Variants in SMPD4 observed in about 807,000 individuals in gnomAD.
SMPD4 encodes sphingomyelin phosphodiesterase 4.
SMPD4 carries 58 observed loss-of-function variants against 97.8 expected under a neutral mutation model. The ratio of observed to expected loss-of-function variants is 0.59; its 90% CI spans 0.48 to 0.74. The LOEUF (loss-of-function observed/expected upper bound fraction) is 0.74, where lower values mean the gene tolerates loss of function less well. SMPD4 is among the 30% of genes least tolerant of loss of function. The probability of loss-of-function intolerance (pLI) is 0.00; values close to 1 mark genes in which losing one functional copy is unlikely to be tolerated. For missense variants in SMPD4, 853 were observed against 1,080.5 expected (o/e 0.79, Z 2.95); for synonymous variants, 388 against 450.0 (o/e 0.86, Z 1.74).
chr2:130,181,161 A>AG (rs1405477611), intron 1 of SMPD4: 3 of 698,728 alleles, frequency 4.3e-6, no homozygotes, highest in Non-Finnish European at 5.6e-6. Flanking sequence ...TGGAGCACAC[A>AG]GGGGAAGGGT....
intron 9 of SMPD4, among the ~76,000 whole-genome samples, chr2:130,165,110 A>T (rs1025017716): frequency 3.9e-5 from 4 of 103,280 alleles, no homozygotes; most frequent in South Asian, 2.5e-4. Flanking sequence ...CTCTGATTTA[A>T]AAAAAAAAAA....
At position 130,167,559 on chromosome 2, in the gene SMPD4, G is replaced by A. The variant is rs372533547; in HGVS notation, c.691C>T (p.Leu231Phe). 9 of 1,613,116 alleles carry A rather than the reference G, an allele frequency of 5.6e-6. No individual in the cohort carries two copies. Among genetic ancestry groups the A allele is most frequent in the South Asian group, 2.2e-5 (2 of 91,022 alleles). ...TPAIPFASYGLHHTSLLKRHI... is the reference protein window; with the variant it reads ...TPAIPFASYGFHHTSLLKRHI... ...CGCTTTAGGAGGCTAGTGTGGTGGA[G>A]GCCATAGGAAGCAAAGGGTATGGCT... Residue 231 changes from leucine to phenylalanine, a missense_variant, in exon 9 of 20, where the codon CTC (leucine) becomes TTC (phenylalanine). Leu to Phe is a conservative substitution (Grantham distance 22, BLOSUM62 0). Transcript: ENST00000680298.
chr2:130,156,866 C>T, intron 12 of SMPD4, 191 bp from the exon 13 acceptor site: 2 of 1,494,112 alleles, frequency 1.3e-6, no homozygotes, highest in Middle Eastern at 2.3e-4. Flanking sequence ...CCCAAGGACA[C>T]ACAGCACGCA....
chr2:130,165,875 T>C (rs1466221936), intron 9 of SMPD4, among the ~76,000 whole-genome samples: 1 of 152,142 alleles, frequency 6.6e-6, no homozygotes, highest in African/African-American at 2.4e-5. Flanking sequence ...CCGGGCTGGT[T>C]CAGTTTCAGT....
rs377728414 is a variant in SMPD4 at position 130,172,510 on chromosome 2, C to G, written c.508-10G>C. 2.5e-6 allele frequency: 4 copies of G among 1,611,122 alleles called. No homozygotes were observed. Among genetic ancestry groups the G allele is most frequent in the South Asian group, 1.1e-5 (1 of 90,850 alleles). ...GGGACACAGGAAGTGGCTGGAAAAC[C>G]AAGCTAGTTGTTAGCATGGGCTCTG... On this transcript the variant is annotated splice_polypyrimidine_tract_variant and intron_variant, in intron 7 of 19. Transcript: ENST00000680298.
intron 5 of SMPD4, 38 bp downstream of exon 5, chr2:130,173,241 T>G (rs1247872339): frequency 6.3e-7 from 1 of 1,592,364 alleles, no homozygotes. Context: ...CAAGGCCCAC[T>G]GCCCCGAGCA....
Position 130,152,870 on chromosome 2 carries a change from C to T in SMPD4, c.2169G>A (p.Met723Ile), listed in dbSNP as rs748626563. 6.9e-6 allele frequency: 11 copies of T among 1,584,454 alleles called. No homozygotes were observed. Among genetic ancestry groups the T allele is most frequent in the East Asian group, 2.2e-5 (1 of 44,510 alleles). Residue 723 changes from methionine (M) to isoleucine (I), a missense_variant, in exon 20 of 20, where the codon ATG (methionine) becomes ATA (isoleucine). Physicochemically the swap from Met to Ile is conservative, Grantham distance 10 (BLOSUM62 1). Coordinates refer to ENST00000680298, the MANE Select transcript of SMPD4 (RefSeq NM_017951.5). ...SAINHRFAGQMAALCSRDDFL... is the reference protein window; with the variant it reads ...SAINHRFAGQIAALCSRDDFL... Reference sequence around the variant, plus strand: ...AGTCATCCCGGGAACACAGAGCCGCCATCTGTCCTGCAAACTGAAGCACAG... The same window carrying T: ...AGTCATCCCGGGAACACAGAGCCGCTATCTGTCCTGCAAACTGAAGCACAG...
Position 130,181,590 on chromosome 2 carries a change from G to T in SMPD4, c.-106C>A, listed in dbSNP as rs146359515. 0.01 allele frequency: 16,401 copies of T among 1,603,688 alleles called. 112 individuals carry two copies. The highest frequency in any genetic ancestry group is 0.013 in the Admixed American group (777 of 58,690). ...GAAGCCGCCATTCCGCCACGGCGCCGAAAGTCGTCATCAAGCTGCGCGCAG... is the reference window on the plus strand; with the variant it reads ...GAAGCCGCCATTCCGCCACGGCGCCTAAAGTCGTCATCAAGCTGCGCGCAG... On this transcript the variant is annotated 5_prime_UTR_variant, in exon 1 of 20. Transcript: ENST00000680298.
intron 9 of SMPD4, among the ~76,000 whole-genome samples, chr2:130,166,684 C>G (rs1319063556): frequency 6.6e-6 from 1 of 151,784 alleles, no homozygotes; most frequent in Non-Finnish European, 1.5e-5. Flanking sequence ...TGCTGAATCT[C>G]TCTGTGTGCC....
intron 1 of SMPD4, among the ~76,000 whole-genome samples, chr2:130,179,635 C>T (rs563246241): frequency 6.6e-6 from 1 of 152,124 alleles, no homozygotes; most frequent in East Asian, 1.9e-4. Flanking sequence ...GATCCGCTGC[C>T]TCAGCCTCCC....
chr2:130,181,644 G>A, upstream of SMPD4: 3 of 1,556,806 alleles, frequency 1.9e-6, no homozygotes, highest in Non-Finnish European at 8.7e-7. Context: ...GGCGGGAAAA[G>A]CGCTTCCACC....
chr2:130,155,888 G>A (rs1213979223), intron 14 of SMPD4, 147 bp downstream of exon 14: 2 of 708,256 alleles, frequency 2.8e-6, no homozygotes, highest in Non-Finnish European at 2.4e-6. Context: ...TGTTCCGCTC[G>A]GCAGGGGCTG....
At position 130,174,953 on chromosome 2, in the gene SMPD4, G is replaced by T. The variant is rs770630425; in HGVS notation, c.87C>A (p.Cys29Ter). Residue 29 changes from cysteine to a stop codon, truncating the protein, a stop_gained, in exon 3 of 20, where the codon TGC becomes TGA. Transcript: ENST00000680298. LOFTEE classifies it high-confidence loss of function. ...CCTCAATGACTTTAACCAAGTCTTGGCACTGCTGTGCAAAGGGCTTATTTA... is the reference window on the plus strand; with the variant it reads ...CCTCAATGACTTTAACCAAGTCTTGTCACTGCTGTGCAAAGGGCTTATTTA... Reference protein sequence around the residue: ...DSINKPFAQQCQDLVKVIEDF... With the variant: ...DSINKPFAQQ 1.2e-6 allele frequency: 2 copies of T among 1,609,340 alleles called. No individual in the cohort carries two copies. The highest frequency in any genetic ancestry group is 1.7e-6 in the Non-Finnish European group (2 of 1,175,950).
intron 11 of SMPD4, chr2:130,158,257 C>T (rs1377314108): frequency 7.8e-7 from 1 of 1,288,500 alleles, no homozygotes; most frequent in Admixed American, 2.3e-5. Flanking sequence ...TCCTCTGTTG[C>T]CCAGGGACCT....
intron 15 of SMPD4, chr2:130,154,894 C>G: frequency 2.8e-6 from 2 of 716,040 alleles, no homozygotes; most frequent in Non-Finnish European, 4.5e-6. Flanking sequence ...CACCCAGTGC[C>G]TGGTGGCTGC....
intron 17 of SMPD4, 100 bp from the exon 18 acceptor site, chr2:130,153,550 T>C (rs1686445980): frequency 6.3e-7 from 1 of 1,583,800 alleles, no homozygotes; most frequent in Non-Finnish European, 8.6e-7. Context: ...GGGACCCAGC[T>C]ATGACGCTCG....
At chr2:130,152,946 G>C (rs1218533108) in intron 19 of SMPD4, 62 bp from the exon 20 acceptor site, 1 of 1,557,382 alleles carries the variant, frequency 6.4e-7, no homozygotes. Context: ...CAGGACAGCA[G>C]TACCCCACCC....
In SMPD4 at chr2:130,153,949, G is replaced by A. The variant is rs754999640; in HGVS notation, c.1660-14C>T. On this transcript the variant is annotated splice_polypyrimidine_tract_variant and intron_variant, in intron 16 of 19. Transcript: ENST00000680298. ...GAGGCGCAGGACCTGCAAGGGAGGCGCGGGCAGGTCACCAGCAGGACAGGC... is the reference window on the plus strand; with the variant it reads ...GAGGCGCAGGACCTGCAAGGGAGGCACGGGCAGGTCACCAGCAGGACAGGC... The A allele has an allele frequency of 6.2e-6, 10 of 1,609,310 alleles. No homozygotes were observed. Among genetic ancestry groups the A allele is most frequent in the African/African-American group, 5.3e-5 (4 of 74,942 alleles).
At chr2:130,178,060 C>T (rs1288281852) in intron 1 of SMPD4, among the ~76,000 whole-genome samples, 1 of 152,200 alleles carries the variant, frequency 6.6e-6, no homozygotes, top group African/African-American at 2.4e-5. Context: ...CTCCAAGGAA[C>T]TGGATTCTGC....
Sources: gnomAD v4.1 joint callset for allele counts (sites outside exome capture counted in the v4.1 genomes callset) on GRCh38, gnomAD v4.1.1 for gene constraint, MANE v1.5 for transcripts, NCBI Gene and HGNC (gene_info 2026-07-23, HGNC 2026-07-21) for gene names.